MYRIP: variants seen among roughly 807,000 people sequenced by gnomAD.
MYRIP encodes myosin VIIA and Rab interacting protein.
Under a neutral mutation model 98.0 loss-of-function variants are expected in MYRIP, and 49 were observed. That is an observed-to-expected ratio of 0.50 (90% CI 0.40 to 0.63). The LOEUF (loss-of-function observed/expected upper bound fraction) is 0.63. Ranked by LOEUF, MYRIP falls within the 30% of genes least tolerant of loss-of-function variation. The pLI is 0.00. For synonymous variants in MYRIP, 404 were observed against 409.5 expected (o/e 0.99, Z 0.16); for missense variants, 1,004 against 1,058.2 (o/e 0.95, Z 0.71).
chr3:39,926,554 C>T (rs1944424775), intron 2 of MYRIP, among the ~76,000 whole-genome samples: 1 of 152,038 alleles, frequency 6.6e-6, no homozygotes, highest in Non-Finnish European at 1.5e-5. Flanking sequence ...CTGCTTATGG[C>T]TAGGCAGCTA....
At chr3:40,112,708 A>G (rs899993135) in intron 3 of MYRIP, among the ~76,000 whole-genome samples, 2 of 152,182 alleles carry the variant, frequency 1.3e-5, no homozygotes, top group African/African-American at 2.4e-5. Flanking sequence ...TTGTGCCTCC[A>G]TAAGGATTTT....
chr3:39,842,071 C>A (rs1205926675), intron 1 of MYRIP, among the ~76,000 whole-genome samples: 2 of 152,172 alleles, frequency 1.3e-5, no homozygotes, highest in African/African-American at 2.4e-5. Flanking sequence ...GCCCCTCCCC[C>A]CAGGTGCTCT....
At chr3:39,909,630 T>C (rs964921782) in intron 2 of MYRIP, among the ~76,000 whole-genome samples, 6 of 152,174 alleles carry the variant, frequency 3.9e-5, no homozygotes, top group Non-Finnish European at 7.4e-5. Flanking sequence ...GATTTGACCC[T>C]TGAAGATGGA....
chr3:40,146,931 C>A (rs866786282), intron 3 of MYRIP, among the ~76,000 whole-genome samples: 10 of 152,034 alleles, frequency 6.6e-5, no homozygotes, highest in South Asian at 6.2e-4. Flanking sequence ...CTTCTTTTGC[C>A]TGTTTTTATT....
At chr3:40,066,531 C>T (rs1948131300) in intron 3 of MYRIP, among the ~76,000 whole-genome samples, 1 of 152,210 alleles carries the variant, frequency 6.6e-6, no homozygotes, top group Non-Finnish European at 1.5e-5. Context: ...TAGTCTATGA[C>T]TTAAAACTCC....
At chr3:39,819,938 C>T (rs1329440004) in intron 1 of MYRIP, among the ~76,000 whole-genome samples, 1 of 152,290 alleles carries the variant, frequency 6.6e-6, no homozygotes, top group South Asian at 2.1e-4. Flanking sequence ...TATATAACAT[C>T]ATCTGGGGCA....
chr3:39,884,761 C>T (rs1943243646), intron 1 of MYRIP, among the ~76,000 whole-genome samples: 1 of 150,978 alleles, frequency 6.6e-6, no homozygotes, highest in Admixed American at 6.6e-5. Context: ...TCCTTTTTTT[C>T]CTTAACAGCC....
At chr3:39,915,758 CAA>C (rs10595634) in intron 2 of MYRIP, among the ~76,000 whole-genome samples, 66,262 of 144,080 alleles carry the variant, frequency 0.46, 14,811 homozygotes, top group East Asian at 0.55. Flanking sequence ...AATGCCAGGC[CAA>C]AAAAAAAAAA....
At chr3:39,859,283 C>T (rs1474426796) in intron 1 of MYRIP, among the ~76,000 whole-genome samples, 3 of 151,976 alleles carry the variant, frequency 2.0e-5, no homozygotes, top group Non-Finnish European at 2.9e-5. Flanking sequence ...CCTAGAAGAA[C>T]GAGTAAATTC....
chr3:40,001,017 C>T (rs1946506616), intron 2 of MYRIP, among the ~76,000 whole-genome samples: 1 of 152,156 alleles, frequency 6.6e-6, no homozygotes, highest in African/African-American at 2.4e-5. Context: ...TGGACTGCTG[C>T]TGGTGGACCA....
At chr3:40,230,007 T>C (rs149900238) in intron 11 of MYRIP, among the ~76,000 whole-genome samples, 1 of 152,234 alleles carries the variant, frequency 6.6e-6, no homozygotes, top group Non-Finnish European at 1.5e-5. Flanking sequence ...TTGTATTTCT[T>C]TGCTCACTAG....
intron 7 of MYRIP, 96 bp downstream of exon 7, chr3:40,167,335 T>A: frequency 9.1e-7 from 1 of 1,096,740 alleles, no homozygotes; most frequent in Non-Finnish European, 1.4e-6. Context: ...GGAGTGTCTC[T>A]AGCACTGTAT....
At chr3:39,969,940 A>G (rs781688202) in intron 2 of MYRIP, among the ~76,000 whole-genome samples, 20 of 152,116 alleles carry the variant, frequency 1.3e-4, no homozygotes, top group Non-Finnish European at 2.4e-4. Flanking sequence ...CTGAGAATCT[A>G]TCAGGTCCCA....
chr3:40,081,165 CT>C (rs1464459953), intron 3 of MYRIP, among the ~76,000 whole-genome samples: 1 of 152,102 alleles, frequency 6.6e-6, no homozygotes, highest in Non-Finnish European at 1.5e-5. Flanking sequence ...TTATGGTCAA[CT>C]TTCCTAAGTA....
At chr3:40,188,048 G>A (rs565425627) in intron 9 of MYRIP, among the ~76,000 whole-genome samples, 1 of 152,180 alleles carries the variant, frequency 6.6e-6, no homozygotes, top group Admixed American at 6.5e-5. Context: ...CCTCGTCAGT[G>A]AAAGCCCCAC....
chr3:40,161,947 C>G (rs1436079886), intron 4 of MYRIP, among the ~76,000 whole-genome samples: 1 of 152,146 alleles, frequency 6.6e-6, no homozygotes, highest in Non-Finnish European at 1.5e-5. Context: ...CCTGTGTCCC[C>G]AGGTCACCTC....
In MYRIP at chr3:40,218,629, T is replaced by C. The variant is rs1409003745; in HGVS notation, c.1905+8536T>C. ...TATATATTTTATATATATATATATA[T>C]ATATATATATATATATATATATATA... is the stretch of plus-strand genomic sequence containing the variant. On this transcript the variant is annotated intron_variant, in intron 11 of 16. Coordinates refer to ENST00000302541, the MANE Select transcript of MYRIP (RefSeq NM_015460.4). 3.5e-3 allele frequency among the ~76,000 whole-genome samples: 80 copies of C among 22,692 alleles called. 4 individuals carry two copies. The highest frequency in any genetic ancestry group is 0.023 in the East Asian group (10 of 434). 14.9% of individuals were successfully genotyped at this position (22,692 alleles called of 152,430 possible).
intron 3 of MYRIP, among the ~76,000 whole-genome samples, chr3:40,054,951 C>T (rs1273456419): frequency 6.6e-6 from 1 of 152,162 alleles, no homozygotes; most frequent in African/African-American, 2.4e-5. Flanking sequence ...AGGAACACTA[C>T]TGAGAGGGCC....
chr3:40,091,714 G>C lies in MYRIP; in HGVS notation c.332+47443G>C, dbSNP rs138528171. Among the ~76,000 whole-genome samples the C allele has an allele frequency of 1.0e-3, 152 of 152,256 alleles. 6 individuals are homozygous for C. The East Asian group carries it at 0.023, about 23-fold the overall frequency. ...TCCCATCATGGCAACAGGGCATTTT[G>C]CTTGTCACTTCTAATTCTCACATCT... On this transcript the variant is annotated intron_variant, in intron 3 of 16. Transcript: ENST00000302541.
Sources: allele counts gnomAD v4.1 joint callset (sites outside exome capture counted in the v4.1 genomes callset), GRCh38; gene constraint gnomAD v4.1.1; transcripts MANE v1.5; gene names NCBI Gene and HGNC (gene_info 2026-07-23, HGNC 2026-07-21).